NDUFS2: variants seen among roughly 807,000 people sequenced by gnomAD.
The protein encoded by NDUFS2 is NADH dehydrogenase [ubiquinone] iron-sulfur protein 2, mitochondrial.
A neutral mutation model predicts 69.6 loss-of-function variants in NDUFS2; 38 were observed. The ratio of observed to expected loss-of-function variants is 0.55; its 90% CI spans 0.42 to 0.72. NDUFS2 has a LOEUF of 0.72. Ranked by LOEUF, NDUFS2 falls within the 30% of genes least tolerant of loss-of-function variation. NDUFS2 has a pLI of 0.00. For synonymous variants in NDUFS2, 194 were observed against 211.2 expected (o/e 0.92, Z 0.70); for missense variants, 468 against 595.0 (o/e 0.79, Z 2.22).
At chr1:161,202,782 GTCTC>G (rs1184289916) in intron 1 of NDUFS2, among the ~76,000 whole-genome samples, 3 of 152,180 alleles carry the variant, frequency 2.0e-5, no homozygotes, top group Admixed American at 6.5e-5. Flanking sequence ...AATGCTCGCT[GTCTC>G]TCTGTCGTTG....
intron 9 of NDUFS2, among the ~76,000 whole-genome samples, chr1:161,211,733 T>A (rs1318627102): frequency 6.6e-6 from 1 of 152,230 alleles, no homozygotes; most frequent in African/African-American, 2.4e-5. Context: ...GTATTGTTTT[T>A]TTTATTTTTG....
intron 1 of NDUFS2, among the ~76,000 whole-genome samples, 166 bp from the exon 2 acceptor site, chr1:161,203,271 C>G (rs1001373653): frequency 6.6e-6 from 1 of 152,030 alleles, no homozygotes; most frequent in African/African-American, 2.4e-5. Context: ...ACACCATTGC[C>G]CTCCAGTATG....
Position 161,203,546 on chromosome 1 carries a change from G to GA in NDUFS2, c.202+4dup, listed in dbSNP as rs1340602434. On this transcript the variant is annotated splice_donor_region_variant and intron_variant, in intron 2 of 13. Transcript: ENST00000676972. ...CTGGAAGCCTCCACCTTGGAATGGT[G>GA]AGTGACCAGAGTTGCTGTCCCAACC... The GA allele has an allele frequency of 2.5e-6, 4 of 1,610,328 alleles. No homozygotes were observed. The African/African-American group carries it at 5.3e-5, about 22-fold the overall frequency.
chr1:161,209,741 G>A (rs1364582238), intron 5 of NDUFS2, 116 bp from the exon 6 acceptor site: 1 of 1,310,532 alleles, frequency 7.6e-7, no homozygotes, highest in Non-Finnish European at 1.1e-6. Flanking sequence ...TATATTTGTA[G>A]AAACTATATC....
intron 9 of NDUFS2, among the ~76,000 whole-genome samples, chr1:161,211,477 C>A (rs560298972): frequency 7.2e-5 from 11 of 152,148 alleles, no homozygotes; most frequent in Non-Finnish European, 1.5e-4. Context: ...GGTGAAACCC[C>A]ATCTCTACTA....
intron 5 of NDUFS2, 75 bp from the exon 6 acceptor site, chr1:161,209,782 A>C (rs962555149): frequency 2.6e-6 from 4 of 1,523,708 alleles, no homozygotes; most frequent in Non-Finnish European, 3.6e-6. Context: ...AAGAAGGCAG[A>C]AAGTGGGGGA....
Position 161,209,179 on chromosome 1 carries a change from C to T in NDUFS2, c.394-14C>T. 1 of 1,614,190 alleles carries T rather than the reference C, an allele frequency of 6.2e-7. No homozygotes were observed. The highest frequency in any genetic ancestry group is 1.6e-4 in the Middle Eastern group (1 of 6,062). ...AGCCTGTTAGATGTGACCCACATTC[C>T]TCCCTCTTCCCAGGCCCTTCCATAC... On this transcript the variant is annotated splice_polypyrimidine_tract_variant and intron_variant, in intron 3 of 13. Transcript: ENST00000676972.
At chr1:161,201,292 C>CTCTG (rs1665107241), upstream of NDUFS2, among the ~76,000 whole-genome samples, 1 of 152,230 alleles carries the variant, frequency 6.6e-6, no homozygotes, top group South Asian at 2.1e-4. Flanking sequence ...ATTCCACCAT[C>CTCTG]TCTGCTTCCT....
chr1:161,213,988 A>G, intron 13 of NDUFS2, 67 bp downstream of exon 13: 1 of 1,613,966 alleles, frequency 6.2e-7, no homozygotes, highest in Non-Finnish European at 8.5e-7. Flanking sequence ...CTGGGGACAG[A>G]AGGAGAACAC....
intron 3 of NDUFS2, among the ~76,000 whole-genome samples, chr1:161,207,614 C>T (rs1665535239): frequency 1.3e-5 from 2 of 151,428 alleles, no homozygotes; most frequent in South Asian, 2.1e-4. Context: ...ATTAGCCAGA[C>T]GTGGTGGTGT....
At position 161,212,379 on chromosome 1, in the gene NDUFS2, C is replaced by T; in HGVS notation, c.1015C>T (p.Gln339Ter). Residue 339 changes from glutamine (Q) to a stop codon, truncating the protein, a stop_gained, in exon 10 of 14, where the codon CAG (glutamine) becomes TAG (stop). Transcript: ENST00000676972. LOFTEE classifies it high-confidence loss of function. ...CCTGTGCCGGGTGGAGGAGATGCGC[C>T]AGTCCCTGAGAATTATCGCACAGTG... is the stretch of plus-strand genomic sequence containing the variant. Reference protein sequence around the residue: ...RYLCRVEEMRQSLRIIAQCLN... With the variant: ...RYLCRVEEMR 6.2e-7 allele frequency: 1 copy of T among 1,613,688 alleles called. No individual in the cohort carries two copies. Among genetic ancestry groups the T allele is most frequent in the South Asian group, 1.1e-5 (1 of 91,078 alleles).
chr1:161,209,851 A>C lies in NDUFS2; in HGVS notation c.628-6A>C, dbSNP rs765935723. ...TTGACACTAATTCCCAGCACGTTCT[A>C]TGAAGATGTTTGAGTTCTACGAGCG... On this transcript the variant is annotated splice_region_variant and splice_polypyrimidine_tract_variant and intron_variant, in intron 5 of 13. Coordinates refer to ENST00000676972, the MANE Select transcript of NDUFS2 (RefSeq NM_001377299.1). The C allele has an allele frequency of 1.2e-6, 2 of 1,613,846 alleles. No homozygotes were observed. The highest frequency in any genetic ancestry group is 1.6e-4 in the Middle Eastern group (1 of 6,062).
intron 9 of NDUFS2, among the ~76,000 whole-genome samples, chr1:161,211,322 C>T (rs1665758571): frequency 6.6e-6 from 1 of 152,174 alleles, no homozygotes; most frequent in African/African-American, 2.4e-5. Flanking sequence ...TCCTCCTGAT[C>T]CAGTGTTCTT....
At chr1:161,214,013 A>G in intron 13 of NDUFS2, 92 bp downstream of exon 13, 1 of 1,613,650 alleles carries the variant, frequency 6.2e-7, no homozygotes, top group Non-Finnish European at 8.5e-7. Flanking sequence ...TGTTCACCAT[A>G]GGCCATGGCA....
upstream of NDUFS2, chr1:161,202,262 T>A: frequency 2.1e-6 from 2 of 953,936 alleles, no homozygotes; most frequent in Non-Finnish European, 3.3e-6. Context: ...AGTTCGACGG[T>A]AAACGACCCT....
At chr1:161,212,017 C>T (rs1392114940) in intron 9 of NDUFS2, among the ~76,000 whole-genome samples, 1 of 152,016 alleles carries the variant, frequency 6.6e-6, no homozygotes. Context: ...AGTTGGAGAT[C>T]AGCCTGGGCA....
At chr1:161,206,294 A>G (rs1665456815) in intron 2 of NDUFS2, 113 bp from the exon 3 acceptor site, 4 of 1,105,294 alleles carry the variant, frequency 3.6e-6, no homozygotes, top group Non-Finnish European at 4.1e-6. Context: ...GGAAATTAAC[A>G]AAGTATGGAA....
chr1:161,209,591 AGAAGGTAAGAGTGGGAGG>A lies in NDUFS2; in HGVS notation c.624_627+14del. 6.2e-7 allele frequency: 1 copy of A among 1,608,872 alleles called. No individual in the cohort carries two copies. Among genetic ancestry groups the A allele is most frequent in the Non-Finnish European group, 8.5e-7 (1 of 1,178,192 alleles). On this transcript the variant is annotated splice_donor_variant and splice_donor_5th_base_variant and coding_sequence_variant and intron_variant, in exon 5 of 14. Coordinates refer to ENST00000676972, the MANE Select transcript of NDUFS2 (RefSeq NM_001377299.1). LOFTEE classifies it high-confidence loss of function. ...TTCTTCTGGCTGTTTGAAGAAAGGG[AGAAGGTAAGAGTGGGAGG>A]AAAGGATAGGAATAGGGAAGGAAGT...
chr1:161,210,224 A>C, intron 7 of NDUFS2, 36 bp downstream of exon 7: 1 of 1,610,718 alleles, frequency 6.2e-7, no homozygotes, highest in South Asian at 1.1e-5. Flanking sequence ...TCTCTCCCCC[A>C]CAAGAAGGGC....
Sources: gnomAD v4.1 joint callset for allele counts (sites outside exome capture counted in the v4.1 genomes callset) on GRCh38, gnomAD v4.1.1 for gene constraint, MANE v1.5 for transcripts, NCBI Gene and HGNC (gene_info 2026-07-23, HGNC 2026-07-21) for gene names.